DGKB: variants seen among roughly 807,000 people sequenced by gnomAD.
The protein encoded by DGKB is 90 kDa diacylglycerol kinase.
Under a neutral mutation model 114.3 loss-of-function variants are expected in DGKB, and 67 were observed. That is an observed-to-expected ratio of 0.59 (90% CI 0.48 to 0.72). The LOEUF (loss-of-function observed/expected upper bound fraction) is 0.72, where lower values mean the gene tolerates loss of function less well. Among genes scored for constraint, DGKB ranks in the 30% least tolerant of loss-of-function variants. The pLI is 0.00. For missense variants in DGKB, 907 were observed against 975.2 expected (o/e 0.93, Z 0.93); for synonymous variants, 398 against 323.1 (o/e 1.23, Z -2.49).
chr7:14,905,910 G>A (rs919102278), upstream of DGKB, among the ~76,000 whole-genome samples: 29 of 152,090 alleles, frequency 1.9e-4, no homozygotes, highest in Admixed American at 5.2e-4. Context: ...AATTCTTTTC[G>A]TCTTTTTTCT....
chr7:14,613,656 G>A (rs1264410143), intron 15 of DGKB, among the ~76,000 whole-genome samples: 3 of 151,894 alleles, frequency 2.0e-5, no homozygotes, highest in Non-Finnish European at 4.4e-5. Context: ...AGAGGGCCGA[G>A]GGGAAGGCAG....
intron 13 of DGKB, among the ~76,000 whole-genome samples, chr7:14,666,974 C>A (rs1252466711): frequency 1.3e-5 from 2 of 151,762 alleles, no homozygotes; most frequent in East Asian, 3.9e-4. Context: ...ATGAAAACAC[C>A]ATATGATAAT....
At chr7:14,782,735 T>C (rs1165796044) in intron 2 of DGKB, among the ~76,000 whole-genome samples, 3 of 152,108 alleles carry the variant, frequency 2.0e-5, no homozygotes, top group East Asian at 3.8e-4. Flanking sequence ...GAAAGCCCCA[T>C]AGAAGATGGG....
intron 10 of DGKB, among the ~76,000 whole-genome samples, chr7:14,684,690 T>C (rs1393723886): frequency 6.6e-6 from 1 of 152,212 alleles, no homozygotes; most frequent in Non-Finnish European, 1.5e-5. Context: ...ATGCTCTGCA[T>C]TCCAATGTCT....
At chr7:14,910,154 T>C (rs1562868773) in intron 1 of DGKB, among the ~76,000 whole-genome samples, 1 of 151,728 alleles carries the variant, frequency 6.6e-6, no homozygotes, top group Non-Finnish European at 1.5e-5. Context: ...GGCAGGAGAA[T>C]TGCTTGAACC....
intron 1 of DGKB, among the ~76,000 whole-genome samples, chr7:14,942,963 T>C (rs1045069822): frequency 1.3e-5 from 2 of 152,056 alleles, no homozygotes; most frequent in Middle Eastern, 3.4e-3. Flanking sequence ...TTTTTATCCC[T>C]AGAATAAAAT....
chr7:14,874,797 C>G (rs1853022773), intron 1 of DGKB, among the ~76,000 whole-genome samples: 2 of 152,050 alleles, frequency 1.3e-5, no homozygotes, highest in Admixed American at 1.3e-4. Flanking sequence ...TCAATTCCCC[C>G]ACACAGATTT....
At chr7:14,766,407 T>C (rs957590247) in intron 2 of DGKB, among the ~76,000 whole-genome samples, 1 of 151,834 alleles carries the variant, frequency 6.6e-6, no homozygotes, top group Non-Finnish European at 1.5e-5. Flanking sequence ...ATTGATTGGA[T>C]ATGGGTTGTG....
rs529170470 is a variant in DGKB, at chr7:14,475,455, G to A, written c.1835+2706C>T. Among the ~76,000 whole-genome samples the A allele has an allele frequency of 7.9e-5, 12 of 152,212 alleles. No individual in the cohort carries two copies. In the South Asian group the frequency reaches 2.5e-3, roughly 31 times the overall value. On this transcript the variant is annotated intron_variant, in intron 21 of 25. Coordinates refer to ENST00000402815, the MANE Select transcript of DGKB (RefSeq NM_001350709.2). ...GAAATGATAACTGTAGACTTAATCT[G>A]CAAATGTATAGATTGAAACATACAT...
intron 23 of DGKB, among the ~76,000 whole-genome samples, chr7:14,267,408 A>G (rs899412952): frequency 1.3e-5 from 2 of 152,072 alleles, no homozygotes; most frequent in African/African-American, 4.8e-5. Context: ...TGCCACGTAG[A>G]GCAGAAAGAT....
chr7:14,851,472 G>T (rs572617060), intron 1 of DGKB, among the ~76,000 whole-genome samples: 1 of 152,046 alleles, frequency 6.6e-6, no homozygotes, highest in Non-Finnish European at 1.5e-5. Flanking sequence ...TCTATCCATA[G>T]GGATAGAATC....
chr7:14,779,623 G>T (rs553893748), intron 2 of DGKB, among the ~76,000 whole-genome samples: 3 of 151,886 alleles, frequency 2.0e-5, no homozygotes, highest in Non-Finnish European at 4.4e-5. Context: ...AAAAGTAAAG[G>T]CTCCCACAAA....
chr7:14,424,868 C>T (rs1166528942), intron 21 of DGKB, among the ~76,000 whole-genome samples: 1 of 152,120 alleles, frequency 6.6e-6, no homozygotes, highest in Non-Finnish European at 1.5e-5. Context: ...CTGCACCACA[C>T]TGCCTTCCTG....
chr7:14,481,715 T>A (rs1783016472), intron 20 of DGKB, among the ~76,000 whole-genome samples: 1 of 151,962 alleles, frequency 6.6e-6, no homozygotes, highest in African/African-American at 2.4e-5. Flanking sequence ...TTGAAATAAT[T>A]TAGTTCTTCC....
chr7:14,864,241 T>C (rs1237901329), intron 1 of DGKB, among the ~76,000 whole-genome samples: 1 of 152,226 alleles, frequency 6.6e-6, no homozygotes, highest in Non-Finnish European at 1.5e-5. Context: ...TTCTGTGTTT[T>C]CCTAGTTGTG....
chr7:14,604,992 T>A (rs903523571), intron 17 of DGKB, among the ~76,000 whole-genome samples: 2 of 152,180 alleles, frequency 1.3e-5, no homozygotes, highest in Non-Finnish European at 2.9e-5. Flanking sequence ...ATTTAATCAT[T>A]TTTTAAAACA....
intron 20 of DGKB, among the ~76,000 whole-genome samples, chr7:14,479,226 G>C (rs1455957050): frequency 6.6e-6 from 1 of 152,138 alleles, no homozygotes; most frequent in Non-Finnish European, 1.5e-5. Flanking sequence ...TAAAGAAGTT[G>C]TGTATTTGAG....
chr7:14,440,863 A>G (rs1829992996), intron 21 of DGKB, among the ~76,000 whole-genome samples: 1 of 152,112 alleles, frequency 6.6e-6, no homozygotes, highest in East Asian at 1.9e-4. Context: ...TGCTTTTGCT[A>G]CCTGATTCAT....
chr7:14,795,250 C>A (rs1159975548), intron 2 of DGKB, among the ~76,000 whole-genome samples: 4 of 152,178 alleles, frequency 2.6e-5, no homozygotes, highest in Admixed American at 2.6e-4. Context: ...CTGAATTTGG[C>A]ATGGACTCAT....
Sources: gnomAD v4.1 joint callset for allele counts (sites outside exome capture counted in the v4.1 genomes callset) on GRCh38, gnomAD v4.1.1 for gene constraint, MANE v1.5 for transcripts, NCBI Gene and HGNC (gene_info 2026-07-23, HGNC 2026-07-21) for gene names.